The following USP16 variants were observed in gnomAD, a reference collection of about 807,000 sequenced individuals.
The protein encoded by USP16 is ubiquitin specific peptidase 16, also known as ubiquitin carboxyl-terminal hydrolase 16.
In USP16, 77 loss-of-function variants were observed where a neutral mutation model predicts 95.9. That is an observed-to-expected ratio of 0.80 (90% CI 0.67 to 0.97). The LOEUF is 0.97. Among genes scored for constraint, USP16 ranks in the 50% least tolerant of loss-of-function variants. USP16 has a pLI of 0.00. For missense variants in USP16, 943 were observed against 959.9 expected (o/e 0.98, Z 0.23); for synonymous variants, 303 against 318.2 (o/e 0.95, Z 0.51).
chr21:29,042,065 T>C lies in USP16; in HGVS notation c.1083T>C (p.Gly361=), dbSNP rs527562811. ...GTTTTGTTGACCGCATCTTTGGTGG[T>C]GAACTAACTAGTATGATCATGTGTG... ...MPSFVDRIFG[G]ELTSMIMCDQ... is the part of the protein sequence containing the mutation. Residue 361 remains glycine (G), a synonymous_variant, in exon 11 of 18, where the codon GGT becomes GGC. Coordinates refer to ENST00000399976, the MANE Select transcript of USP16 (RefSeq NM_006447.3). The C allele has an allele frequency of 1.2e-6, 2 of 1,613,294 alleles. No homozygotes were observed. The highest frequency in any genetic ancestry group is 4.5e-5 in the East Asian group (2 of 44,834).
intron 10 of USP16, 43 bp downstream of exon 10, chr21:29,040,730 C>T (rs1442352525): frequency 1.3e-5 from 14 of 1,078,016 alleles, no homozygotes; most frequent in Non-Finnish European, 1.9e-5. Flanking sequence ...AGTTGAATTC[C>T]TCTGTACCTT....
At position 29,024,790 on chromosome 21, in the gene USP16, C is replaced by T. The variant is rs989616092; in HGVS notation, c.-42+13C>T. The T allele has an allele frequency of 3.1e-6, 4 of 1,275,122 alleles. No homozygotes were observed. Among genetic ancestry groups the T allele is most frequent in the Admixed American group, 2.4e-5 (1 of 41,410 alleles). 79.0% of individuals were successfully genotyped at this position (1,275,122 alleles called of 1,614,324 possible). On this transcript the variant is annotated intron_variant, in intron 1 of 17. Transcript: ENST00000399976. ...TCTGTCGCCGTGGGTGAGTTCTGGT[C>T]CCACTGCCTGGCAGTCGTCGCTCGC...
At chr21:29,034,474 G>A (rs771092778) in intron 3 of USP16, among the ~76,000 whole-genome samples, 15 of 151,740 alleles carry the variant, frequency 9.9e-5, no homozygotes, top group Non-Finnish European at 2.2e-4. Context: ...CACCACACCC[G>A]GCTAATTTTT....
At chr21:29,053,721 G>T in intron 16 of USP16, 81 bp from the exon 17 acceptor site, 1 of 1,422,024 alleles carries the variant, frequency 7.0e-7, no homozygotes, top group Non-Finnish European at 9.6e-7. Context: ...AAGACCCTTT[G>T]CATAGTGTAA....
chr21:29,036,476 A>G lies in USP16; in HGVS notation c.448+102A>G, dbSNP rs145368983. 8.3e-4 allele frequency: 925 copies of G among 1,110,742 alleles called. 13 individuals are homozygous for G. In the Admixed American group the frequency reaches 0.017, roughly 21 times the overall value. 68.8% of individuals were successfully genotyped at this position (1,110,742 alleles called of 1,614,324 possible). On this transcript the variant is annotated intron_variant, in intron 5 of 17. Coordinates refer to ENST00000399976, the MANE Select transcript of USP16 (RefSeq NM_006447.3). ...CTAGCATTACATACAGCTGAGTAACATTAGTTATGGTTGATTGCAAACTAT... is the reference window on the plus strand; with the variant it reads ...CTAGCATTACATACAGCTGAGTAACGTTAGTTATGGTTGATTGCAAACTAT...
chr21:29,031,443 T>G (rs2085074960), intron 3 of USP16, among the ~76,000 whole-genome samples: 1 of 152,144 alleles, frequency 6.6e-6, no homozygotes, highest in African/African-American at 2.4e-5. Flanking sequence ...TAGCCAGTTT[T>G]TTGTTGTTTT....
At position 29,041,312 on chromosome 21, in the gene USP16, C is replaced by A. The variant is rs531628160; in HGVS notation, c.1030+625C>A. On this transcript the variant is annotated intron_variant, in intron 10 of 17. Transcript: ENST00000399976. ...GCCTGGCCAGTAATGGAGAGAATTA[C>A]CCCTGCTGGCATTTTCTGTCAGAAA... Among the ~76,000 whole-genome samples, 3 of 152,226 alleles carry A rather than the reference C, an allele frequency of 2.0e-5. No homozygotes were observed. The South Asian group carries it at 6.2e-4, about 32-fold the overall frequency.
chr21:29,038,468 CTCTGAA>C, intron 7 of USP16, 38 bp downstream of exon 7: 1 of 1,373,454 alleles, frequency 7.3e-7, no homozygotes, highest in Non-Finnish European at 1.0e-6. Flanking sequence ...TAACTTTCCT[CTCTGAA>C]TGTGTGTTTT....
intron 3 of USP16, among the ~76,000 whole-genome samples, chr21:29,033,082 A>G (rs1177787078): frequency 6.6e-6 from 1 of 152,244 alleles, no homozygotes; most frequent in Admixed American, 6.5e-5. Flanking sequence ...TTTTAAATAC[A>G]TATGGTGAGT....
At chr21:29,035,437 G>A (rs1177025385) in intron 4 of USP16, among the ~76,000 whole-genome samples, 1 of 149,042 alleles carries the variant, frequency 6.7e-6, no homozygotes, top group African/African-American at 2.5e-5. Context: ...GCAGTGGTGT[G>A]ATCTCGGCTC....
Position 29,028,042 on chromosome 21 carries a change from G to T in USP16, c.61+68G>T, listed in dbSNP as rs1161261711. 8 of 1,218,522 alleles carry T rather than the reference G, an allele frequency of 6.6e-6. No individual in the cohort carries two copies. The African/African-American group carries it at 9.2e-5, about 14-fold the overall frequency. 75.5% of individuals were successfully genotyped at this position (1,218,522 alleles called of 1,614,324 possible). A position where few individuals can be genotyped will look rare whatever the true frequency, so the allele number is the denominator to read the frequency against. ...TGAATATGTTTTAAAATGTAAAAAT[G>T]GTATAAAGCTGCATATTATTGTTAT... is the stretch of plus-strand genomic sequence containing the variant. On this transcript the variant is annotated intron_variant, in intron 2 of 17. Transcript: ENST00000399976.
chr21:29,042,023 G>T lies in USP16; in HGVS notation c.1041G>T (p.Lys347Asn), dbSNP rs1395949678. ...ELKNKVKDYEKKKSMPSFVDR... is the reference protein window; with the variant it reads ...ELKNKVKDYENKKSMPSFVDR... ...TTTTTTTCTCCATAGATTATGAGAA[G>T]AAAAAATCAATGCCAAGTTTTGTTG... Residue 347 changes from lysine (K) to asparagine (N), a missense_variant, in exon 11 of 18, where the codon AAG becomes AAT. Coordinates refer to ENST00000399976, the MANE Select transcript of USP16 (RefSeq NM_006447.3). The T allele has an allele frequency of 6.2e-7, 1 of 1,612,662 alleles. No individual in the cohort carries two copies. Among genetic ancestry groups the T allele is most frequent in the East Asian group, 2.2e-5 (1 of 44,796 alleles).
intron 1 of USP16, among the ~76,000 whole-genome samples, chr21:29,027,487 TAGAA>T (rs903978579): frequency 1.3e-5 from 2 of 152,364 alleles, no homozygotes; most frequent in Admixed American, 6.5e-5. Context: ...AAAGGTAGCT[TAGAA>T]GGGAAGCAAA....
At chr21:29,029,253 C>A (rs536126138) in intron 2 of USP16, among the ~76,000 whole-genome samples, 5 of 152,158 alleles carry the variant, frequency 3.3e-5, no homozygotes, top group South Asian at 2.1e-4. Context: ...CTCTACTAAA[C>A]ATACAAAAAA....
chr21:29,025,979 A>T (rs1028254847), intron 1 of USP16, among the ~76,000 whole-genome samples: 1 of 152,254 alleles, frequency 6.6e-6, no homozygotes, highest in African/African-American at 2.4e-5. Context: ...AGGGGACAAG[A>T]TGACTAGAGC....
chr21:29,049,324 C>T (rs1033263723), intron 15 of USP16, among the ~76,000 whole-genome samples: 2 of 152,220 alleles, frequency 1.3e-5, no homozygotes, highest in Non-Finnish European at 1.5e-5. Context: ...TTGCAAATTC[C>T]GAAAGTACTT....
intron 3 of USP16, among the ~76,000 whole-genome samples, chr21:29,031,386 C>T (rs2085074486): frequency 1.3e-5 from 2 of 152,166 alleles, no homozygotes; most frequent in African/African-American, 4.8e-5. Flanking sequence ...GGAAATTGGG[C>T]TACTAGGCAG....
chr21:29,052,589 CAAGAT>C (rs1432631283), intron 16 of USP16: 2 of 152,168 alleles, frequency 1.3e-5, no homozygotes. Context: ...AGCTACAACT[CAAGAT>C]GAGATTTGGG....
chr21:29,050,222 A>G lies in USP16; in HGVS notation c.2193+44A>G, dbSNP rs116927602. The G allele has an allele frequency of 1.0e-3, 1,650 of 1,576,178 alleles. 14 individuals are homozygous for G. The East Asian group carries it at 0.016, about 15-fold the overall frequency. On this transcript the variant is annotated intron_variant, in intron 16 of 17. Coordinates refer to ENST00000399976, the MANE Select transcript of USP16 (RefSeq NM_006447.3). ...TTTCAGGAAAGTCCTTTAAAGTCAA[A>G]TTGTGGCTTACCTAATGCTCCAGTA...
Sources: allele counts gnomAD v4.1 joint callset (sites outside exome capture counted in the v4.1 genomes callset), GRCh38; gene constraint gnomAD v4.1.1; transcripts MANE v1.5; gene names NCBI Gene and HGNC (gene_info 2026-07-23, HGNC 2026-07-21).